Variants in DIS3L2 observed in about 807,000 individuals in gnomAD.
DIS3L2 encodes the protein DIS3 like 3'-5' exoribonuclease 2.
A neutral mutation model predicts 97.5 loss-of-function variants in DIS3L2; 34 were observed. That is an observed-to-expected ratio of 0.35 (90% CI 0.27 to 0.46). The LOEUF is 0.46. Ranked by LOEUF, DIS3L2 falls within the 20% of genes least tolerant of loss-of-function variation. The pLI, the probability that DIS3L2 is intolerant of heterozygous loss-of-function variation, is 1.00. For missense variants in DIS3L2, 1,038 were observed against 1,146.0 expected, an observed-to-expected ratio of 0.91 and a Z score of 1.36; for synonymous variants, 435 against 445.2, an observed-to-expected ratio of 0.98 and a Z score of 0.29.
At chr2:232,038,475 G>T (rs559839213) in intron 5 of DIS3L2, among the ~76,000 whole-genome samples, 5 of 152,338 alleles carry the variant, frequency 3.3e-5, no homozygotes, top group African/African-American at 1.2e-4. Flanking sequence ...TAGAGCACCA[G>T]TGGAGCTCTA....
chr2:232,244,785 A>G (rs1693203837), intron 11 of DIS3L2, among the ~76,000 whole-genome samples: 1 of 152,174 alleles, frequency 6.6e-6, no homozygotes, highest in African/African-American at 2.4e-5. Flanking sequence ...TGAGGAGAAT[A>G]GTAACATTTT....
intron 5 of DIS3L2, among the ~76,000 whole-genome samples, chr2:232,044,029 A>G (rs138817226): frequency 1.3e-5 from 2 of 152,208 alleles, no homozygotes; most frequent in Non-Finnish European, 1.5e-5. Flanking sequence ...AAAACTACAG[A>G]TATTATTTTA....
intron 9 of DIS3L2, among the ~76,000 whole-genome samples, chr2:232,186,881 G>C (rs1691452773): frequency 6.6e-6 from 1 of 152,092 alleles, no homozygotes; most frequent in South Asian, 2.1e-4. Context: ...AAACAAAAGA[G>C]TAAACCTTAG....
chr2:232,329,785 T>TGCCCGGGGC, intron 14 of DIS3L2, 28 bp from the exon 15 acceptor site: 1 of 967,140 alleles, frequency 1.0e-6, no homozygotes, highest in Non-Finnish European at 1.5e-6. Context: ...ACCCCAGCGG[T>TGCCCGGGGC]CCCTCCCATC....
At chr2:232,287,400 C>G (rs1384010204) in intron 13 of DIS3L2, among the ~76,000 whole-genome samples, 1 of 80,624 alleles carries the variant, frequency 1.2e-5, no homozygotes, top group Non-Finnish European at 2.3e-5. Flanking sequence ...CCCCCCCCCC[C>G]CCCGCTTTTA....
chr2:231,991,974 C>T (rs986063011), intron 1 of DIS3L2, among the ~76,000 whole-genome samples: 7 of 152,132 alleles, frequency 4.6e-5, no homozygotes, highest in Non-Finnish European at 8.8e-5. Flanking sequence ...CAACACTTCA[C>T]GTGCTAAATG....
Position 232,330,773 on chromosome 2 carries a change from G to A in DIS3L2, c.2007G>A (p.Met669Ile), listed in dbSNP as rs1479815557. 6.2e-7 allele frequency: 1 copy of A among 1,610,704 alleles called. No individual in the cohort carries two copies. Among genetic ancestry groups the A allele is most frequent in the Admixed American group, 1.7e-5 (1 of 60,032 alleles). The change falls in exon 16 of 21, where the codon ATG (methionine) becomes ATA (isoleucine). Residue 669 changes from methionine to isoleucine, a missense_variant. Met to Ile is a conservative substitution (Grantham distance 10). This residue lies in a region of DIS3L2 where 813 missense variants were observed against 880.1 expected (regional missense o/e 0.92). Transcript: ENST00000325385. ...EVLTNMCSRP[M>I]QMALYFCSGL... ...TCACCAACATGTGCTCCCGGCCCATGCAGGTAAGGAGGGCCCAGCCCCGGC... is the reference window on the plus strand; with the variant it reads ...TCACCAACATGTGCTCCCGGCCCATACAGGTAAGGAGGGCCCAGCCCCGGC...
chr2:232,311,193 A>G (rs1695120718), intron 14 of DIS3L2, among the ~76,000 whole-genome samples: 2 of 152,240 alleles, frequency 1.3e-5, no homozygotes, highest in Non-Finnish European at 2.9e-5. Context: ...TGTGCTGGCC[A>G]CAGACCAGTC....
At chr2:231,979,354 A>G (rs548917633) in intron 1 of DIS3L2, among the ~76,000 whole-genome samples, 1 of 151,872 alleles carries the variant, frequency 6.6e-6, no homozygotes, top group Non-Finnish European at 1.5e-5. Flanking sequence ...TCCTGGGCTC[A>G]GGTGATCCCC....
At chr2:231,968,066 C>T (rs1559500968) in intron 1 of DIS3L2, among the ~76,000 whole-genome samples, 1 of 151,734 alleles carries the variant, frequency 6.6e-6, no homozygotes, top group African/African-American at 2.4e-5. Flanking sequence ...TTTCATACCC[C>T]TGGCTCCCTG....
chr2:232,171,807 GTATT>G (rs1245821615), intron 9 of DIS3L2, among the ~76,000 whole-genome samples: 2 of 152,124 alleles, frequency 1.3e-5, no homozygotes, highest in Non-Finnish European at 2.9e-5. Flanking sequence ...TTAATTGTAA[GTATT>G]TAGTACTTCA....
At chr2:232,075,738 A>G (rs1696168199) in intron 5 of DIS3L2, among the ~76,000 whole-genome samples, 1 of 152,068 alleles carries the variant, frequency 6.6e-6, no homozygotes. Flanking sequence ...CCTTGCAATT[A>G]TTTTTGACCC....
chr2:232,203,870 G>A (rs1019764737), intron 9 of DIS3L2, among the ~76,000 whole-genome samples: 16 of 152,170 alleles, frequency 1.1e-4, no homozygotes, highest in African/African-American at 3.6e-4. Context: ...GAGATTGGTA[G>A]AGTTAAGTAG....
intron 1 of DIS3L2, among the ~76,000 whole-genome samples, chr2:231,970,350 A>G (rs182308276): frequency 3.3e-5 from 5 of 152,306 alleles, no homozygotes; most frequent in Non-Finnish European, 5.9e-5. Context: ...TTGTTAGGTA[A>G]TTTTGTTGTG....
intron 8 of DIS3L2, among the ~76,000 whole-genome samples, chr2:232,161,163 G>T (rs961558100): frequency 2.0e-5 from 3 of 152,064 alleles, no homozygotes; most frequent in Non-Finnish European, 2.9e-5. Flanking sequence ...TGATCCTCCT[G>T]CCTTGGCCTC....
intron 5 of DIS3L2, among the ~76,000 whole-genome samples, chr2:232,052,858 T>G (rs1199258997): frequency 6.6e-6 from 1 of 152,248 alleles, no homozygotes; most frequent in East Asian, 1.9e-4. Flanking sequence ...CTGTTCACAT[T>G]CCAGTGGCAT....
Position 232,329,799 on chromosome 2 carries a change from C to T in DIS3L2, c.1740-14C>T. The T allele has an allele frequency of 7.5e-7, 1 of 1,337,166 alleles. No homozygotes were observed. The highest frequency in any genetic ancestry group is 9.8e-7 in the Non-Finnish European group (1 of 1,020,724). The allele number at this position is 1,337,166 out of a possible 1,614,324, so 82.8% of individuals were successfully genotyped here. The stretch of plus-strand genomic sequence containing the variant: ...AACCCCAGCGGTCCCTCCCATCCCA[C>T]CCACCCTCTGCAGGCTCGTGGAGGA... On this transcript the variant is annotated splice_polypyrimidine_tract_variant and intron_variant, in intron 14 of 20. Coordinates refer to ENST00000325385, the MANE Select transcript of DIS3L2 (RefSeq NM_152383.5).
chr2:232,030,738 G>A (rs4973500), intron 5 of DIS3L2, among the ~76,000 whole-genome samples: 20,993 of 152,144 alleles, frequency 0.14, 1,873 homozygotes, highest in South Asian at 0.34. Context: ...TCTTTGAATT[G>A]TCATGTAGGA....
chr2:232,059,296 CAA>C (rs1056775358), intron 5 of DIS3L2, among the ~76,000 whole-genome samples: 1 of 152,062 alleles, frequency 6.6e-6, no homozygotes, highest in African/African-American at 2.4e-5. Flanking sequence ...TCAAATAAAA[CAA>C]TATGAAATTT....
Sources: gnomAD v4.1 joint callset for allele counts (sites outside exome capture counted in the v4.1 genomes callset) on GRCh38, gnomAD v4.1.1 for gene constraint, gnomAD v4.1.1 regional missense constraint, MANE v1.5 for transcripts, NCBI Gene and HGNC (gene_info 2026-07-23, HGNC 2026-07-21) for gene names.